Variants in DPP6 observed in about 807,000 individuals in gnomAD.
DPP6 encodes the protein A-type potassium channel modulatory protein DPP6.
Under a neutral mutation model 122.6 loss-of-function variants are expected in DPP6, and 69 were observed. That is an observed-to-expected ratio of 0.56 (90% CI 0.46 to 0.69). The LOEUF (loss-of-function observed/expected upper bound fraction) is 0.69. Ranked by LOEUF, DPP6 falls within the 30% of genes least tolerant of loss-of-function variation. The probability of loss-of-function intolerance (pLI) is 0.00; values close to 1 mark genes in which losing one functional copy is unlikely to be tolerated. For missense variants in DPP6, 928 were observed against 1,116.9 expected (o/e 0.83, Z 2.41); for synonymous variants, 418 against 433.1 (o/e 0.97, Z 0.43).
intron 1 of DPP6, among the ~76,000 whole-genome samples, chr7:154,371,930 G>A (rs1389494772): frequency 6.6e-6 from 1 of 152,104 alleles, no homozygotes; most frequent in Non-Finnish European, 1.5e-5. Flanking sequence ...AGGGGCCGTC[G>A]TCCTGGTTTT....
At chr7:153,969,960 T>C (rs1048235550) in intron 1 of DPP6, among the ~76,000 whole-genome samples, 6 of 151,946 alleles carry the variant, frequency 3.9e-5, no homozygotes, top group Non-Finnish European at 8.8e-5. Flanking sequence ...CTGGCCTCCT[T>C]CTCAGTACAA....
intron 1 of DPP6, among the ~76,000 whole-genome samples, chr7:153,891,244 G>C (rs1034071597): frequency 6.7e-6 from 1 of 148,380 alleles, no homozygotes; most frequent in Non-Finnish European, 1.5e-5. Flanking sequence ...GGATGGTCTC[G>C]ATCTCTTGAC....
At chr7:154,254,837 G>A (rs1238147422) in intron 1 of DPP6, among the ~76,000 whole-genome samples, 1 of 152,090 alleles carries the variant, frequency 6.6e-6, no homozygotes, top group Non-Finnish European at 1.5e-5. Context: ...TCTGAAGTAA[G>A]GTTCAATTGC....
At chr7:154,322,361 C>G (rs1034780131) in intron 1 of DPP6, among the ~76,000 whole-genome samples, 25 of 152,326 alleles carry the variant, frequency 1.6e-4, no homozygotes, top group African/African-American at 5.8e-4. Flanking sequence ...TTGACTAACT[C>G]TGCCATCTCT....
the DPP6 span, among the ~76,000 whole-genome samples, chr7:153,763,355 G>A: frequency 7.4e-5 from 10 of 135,512 alleles, no homozygotes; most frequent in Admixed American, 3.3e-4. Context: ...TTCTTACTTT[G>A]CATCCCAGGA....
intron 1 of DPP6, among the ~76,000 whole-genome samples, chr7:154,210,653 G>A (rs1278014813): frequency 3.3e-5 from 5 of 152,188 alleles, no homozygotes; most frequent in Middle Eastern, 3.4e-3. Flanking sequence ...TGAAGTGACC[G>A]CCAGGCACCT....
At chr7:154,031,251 G>T (rs1374537513) in intron 1 of DPP6, among the ~76,000 whole-genome samples, 1 of 149,954 alleles carries the variant, frequency 6.7e-6, no homozygotes, top group African/African-American at 2.5e-5. Flanking sequence ...AGGCTTCTGT[G>T]TTCCTCTGGT....
chr7:153,814,926 T>C, the DPP6 span, among the ~76,000 whole-genome samples: 1 of 152,074 alleles, frequency 6.6e-6, no homozygotes, highest in African/African-American at 2.4e-5. Context: ...TGCTAAAAAC[T>C]CTCAATAAAT....
intron 1 of DPP6, among the ~76,000 whole-genome samples, chr7:154,383,511 A>C (rs923043156): frequency 6.6e-6 from 1 of 152,248 alleles, no homozygotes; most frequent in African/African-American, 2.4e-5. Flanking sequence ...ATTTAATATA[A>C]GAAAGTAACA....
chr7:153,980,487 A>G (rs531167937), intron 1 of DPP6, among the ~76,000 whole-genome samples: 1 of 151,388 alleles, frequency 6.6e-6, no homozygotes, highest in East Asian at 1.9e-4. Flanking sequence ...TTAATCTTTT[A>G]AAAAAAACCA....
At chr7:154,776,544 C>A (rs1384954996) in intron 10 of DPP6, among the ~76,000 whole-genome samples, 1 of 152,182 alleles carries the variant, frequency 6.6e-6, no homozygotes, top group Non-Finnish European at 1.5e-5. Context: ...CCGCCTGCCA[C>A]CTAGAACAGG....
At chr7:154,386,008 A>G (rs1814073966) in intron 1 of DPP6, among the ~76,000 whole-genome samples, 1 of 152,208 alleles carries the variant, frequency 6.6e-6, no homozygotes, top group African/African-American at 2.4e-5. Context: ...TCATTCTTCC[A>G]GAAAGCCAAC....
chr7:154,378,233 T>A (rs1272386064), intron 1 of DPP6, among the ~76,000 whole-genome samples: 1 of 152,200 alleles, frequency 6.6e-6, no homozygotes, highest in Admixed American at 6.5e-5. Flanking sequence ...TGCCAGACAT[T>A]TGCTGTCTCC....
chr7:154,324,622 G>A (rs1009781983), intron 1 of DPP6, among the ~76,000 whole-genome samples: 3 of 151,986 alleles, frequency 2.0e-5, no homozygotes, highest in Admixed American at 2.0e-4. Context: ...CTGGGTTGGG[G>A]GTGTTTCCTG....
At chr7:153,960,715 A>AATGTGTG (rs1563051035) in intron 1 of DPP6, among the ~76,000 whole-genome samples, 14 of 56,106 alleles carry the variant, frequency 2.5e-4, no homozygotes, top group African/African-American at 2.2e-3. Flanking sequence ...ATGTGTGTGC[A>AATGTGTG]TGCGTGTGTG....
At chr7:153,910,234 C>CTTTTTTCTTTTTTT (rs750065238) in intron 1 of DPP6, among the ~76,000 whole-genome samples, 8 of 137,750 alleles carry the variant, frequency 5.8e-5, no homozygotes, top group African/African-American at 8.1e-5. Context: ...TTCTTTCTTT[C>CTTTTTTCTTTTTTT]TTTTTTTTTT....
the DPP6 span, among the ~76,000 whole-genome samples, chr7:153,880,264 TCTA>T: frequency 2.0e-5 from 3 of 152,218 alleles, no homozygotes; most frequent in Non-Finnish European, 4.4e-5. Context: ...TATAAAAGAC[TCTA>T]CAAGAACTCT....
chr7:154,000,040 T>C (rs1452999952), intron 1 of DPP6, among the ~76,000 whole-genome samples: 1 of 151,400 alleles, frequency 6.6e-6, no homozygotes, highest in Non-Finnish European at 1.5e-5. Context: ...GCTGGAAAAA[T>C]AAGACTAAGT....
chr7:154,702,644 T>C (rs1840589496), intron 7 of DPP6, among the ~76,000 whole-genome samples: 1 of 152,024 alleles, frequency 6.6e-6, no homozygotes, highest in African/African-American at 2.4e-5. Context: ...CCAAGGGAGG[T>C]AACGAGGCTA....
Sources: gnomAD v4.1 joint callset for allele counts (sites outside exome capture counted in the v4.1 genomes callset) on GRCh38, gnomAD v4.1.1 for gene constraint, MANE v1.5 for transcripts, NCBI Gene and HGNC (gene_info 2026-07-23, HGNC 2026-07-21) for gene names.